The following FAS variants were observed in gnomAD, a reference collection of about 807,000 sequenced individuals.
FAS encodes the protein Fas cell surface death receptor, also known as tumor necrosis factor receptor superfamily member 6.
Under a neutral mutation model 33.2 loss-of-function variants are expected in FAS, and 5 were observed. That is an observed-to-expected ratio of 0.15 (90% CI 0.08 to 0.32). The LOEUF (loss-of-function observed/expected upper bound fraction) is 0.32. Ranked by LOEUF, FAS falls within the 10% of genes least tolerant of loss-of-function variation. The probability of loss-of-function intolerance (pLI) is 1.00; values close to 1 mark genes in which losing one functional copy is unlikely to be tolerated. For missense variants in FAS, 339 were observed against 386.0 expected, an observed-to-expected ratio of 0.88 and a Z score of 1.02; for synonymous variants, 131 against 130.7, an observed-to-expected ratio of 1.00 and a Z score of -0.01.
chr10:88,968,451 T>A (rs1404917974), intron 1 of FAS, among the ~76,000 whole-genome samples: 1 of 152,194 alleles, frequency 6.6e-6, no homozygotes, highest in Non-Finnish European at 1.5e-5. Context: ...CAACAATAAC[T>A]TTATCCCAAA....
intron 2 of FAS, among the ~76,000 whole-genome samples, chr10:88,980,419 G>T (rs763560914): frequency 6.6e-6 from 1 of 152,176 alleles, no homozygotes; most frequent in Non-Finnish European, 1.5e-5. Context: ...GGATAAATAA[G>T]AGCCAGAACT....
rs1848377099 is a variant in FAS, at chr10:89,008,798, T to C, written c.335-91T>C. ...TGTGACTGTTGATATAAGCAGTGGA[T>C]CTCAAAAATCCATGCAGCTCCTGCC... On this transcript the variant is annotated intron_variant, in intron 3 of 8. Transcript: ENST00000652046. 3.5e-6 allele frequency: 4 copies of C among 1,129,888 alleles called. No individual in the cohort carries two copies. The East Asian group carries it at 9.4e-5, about 26-fold the overall frequency. The allele number at this position is 1,129,888 out of a possible 1,614,324, so 70.0% of individuals were successfully genotyped here. A position where few individuals can be genotyped will look rare whatever the true frequency, so the allele number is the denominator to read the frequency against.
chr10:89,012,227 G>T, intron 7 of FAS, 146 bp downstream of exon 7: 1 of 687,328 alleles, frequency 1.5e-6, no homozygotes, highest in Non-Finnish European at 2.5e-6. Context: ...GCCCAGGCTG[G>T]AGTGCAGGGG....
intron 2 of FAS, among the ~76,000 whole-genome samples, chr10:88,978,694 T>G (rs1432925685): frequency 1.3e-5 from 2 of 152,136 alleles, no homozygotes; most frequent in Non-Finnish European, 2.9e-5. Context: ...TCACCCTACT[T>G]CAGGGAACTG....
Position 89,007,739 on chromosome 10 carries a change from A to G in FAS, c.236A>G (p.Glu79Gly). 1.2e-6 allele frequency: 2 copies of G among 1,614,032 alleles called. No individual in the cohort carries two copies. The highest frequency in any genetic ancestry group is 1.7e-6 in the Non-Finnish European group (2 of 1,179,948). ...AGGGACTGCACAGTCAATGGGGATG[A>G]ACCAGACTGCGTGCCCTGCCAAGAA... Reference protein sequence around the residue: ...KARDCTVNGDEPDCVPCQEGK... With the variant: ...KARDCTVNGDGPDCVPCQEGK... Residue 79 changes from glutamate to glycine, a missense_variant, in exon 3 of 9, where the codon GAA (glutamate) becomes GGA (glycine). Transcript: ENST00000652046.
chr10:88,997,820 C>T (rs1847688938), intron 1 of FAS, among the ~76,000 whole-genome samples: 1 of 152,132 alleles, frequency 6.6e-6, no homozygotes, highest in Non-Finnish European at 1.5e-5. Context: ...ATTTCTTGCT[C>T]CATTTTTGTC....
Position 89,007,750 on chromosome 10 carries a change from G to A in FAS, c.247G>A (p.Val83Met), listed in dbSNP as rs199790261. 1.9e-5 allele frequency: 31 copies of A among 1,613,996 alleles called. No homozygotes were observed. Among genetic ancestry groups the A allele is most frequent in the Admixed American group, 8.3e-5 (5 of 59,984 alleles). ...CTVNGDEPDC[V>M]PCQEGKEYTD... Reference sequence around the variant, plus strand: ...AGTCAATGGGGATGAACCAGACTGCGTGCCCTGCCAAGAAGGGAAGGAGTA... The same window carrying A: ...AGTCAATGGGGATGAACCAGACTGCATGCCCTGCCAAGAAGGGAAGGAGTA... Residue 83 changes from valine (V) to methionine (M), a missense_variant, in exon 3 of 9, where the codon GTG becomes ATG. By Grantham distance (21) the Val-to-Met change is conservative. Around this residue, in one of 3 missense-constraint regions of FAS, gnomAD observed 276 missense variants for 300.1 expected, o/e 0.92. Transcript: ENST00000652046.
chr10:89,007,538 T>C (rs1469837343), intron 2 of FAS, among the ~76,000 whole-genome samples, 162 bp from the exon 3 acceptor site: 1 of 152,208 alleles, frequency 6.6e-6, no homozygotes, highest in Admixed American at 6.5e-5. Context: ...TTGACATGAC[T>C]TTTAAAATAA....
At chr10:89,012,842 A>AT (rs1848600229) in intron 7 of FAS, 1 of 154,434 alleles carries the variant, frequency 6.5e-6, no homozygotes, top group South Asian at 2.0e-4. Flanking sequence ...GTATCAATAT[A>AT]TTTCAGATAG....
rs145385908 is a variant in FAS, at chr10:88,966,769, T to TAA, written n.95-6412_95-6411dup. On this transcript the variant is annotated intron_variant and non_coding_transcript_variant, in intron 1 of 3. Coordinates refer to the FAS transcript ENST00000688239. Reference sequence around the variant, plus strand: ...AGGGCTCCTGAGCAGGTCAAAGACGTAACCTGCTCAAATGTTTTGAAAACT... The same window carrying TAA: ...AGGGCTCCTGAGCAGGTCAAAGACGTAAAACCTGCTCAAATGTTTTGAAAACT... Among the ~76,000 whole-genome samples, 1,417 of 152,326 alleles carry TAA rather than the reference T, an allele frequency of 9.3e-3. 22 individuals carry two copies. The highest frequency in any genetic ancestry group is 0.032 in the African/African-American group (1,349 of 41,568).
chr10:89,004,260 CTTTGT>C (rs760714815), intron 2 of FAS, among the ~76,000 whole-genome samples: 143 of 151,954 alleles, frequency 9.4e-4, no homozygotes, highest in Non-Finnish European at 1.0e-3. Flanking sequence ...TTCGGTTTTG[CTTTGT>C]TTTATTTTAA....
rs777751533 is a variant in FAS, at chr10:89,007,749, C to T, written c.246C>T (p.Cys82=). ...CAGTCAATGGGGATGAACCAGACTG[C>T]GTGCCCTGCCAAGAAGGGAAGGAGT... is the stretch of plus-strand genomic sequence containing the variant. The part of the protein sequence containing the change: ...DCTVNGDEPD[C]VPCQEGKEYT... The change falls in exon 3 of 9, where the codon TGC becomes TGT. Residue 82 remains cysteine (C), a synonymous_variant. Coordinates refer to ENST00000652046, the MANE Select transcript of FAS (RefSeq NM_000043.6). 1.3e-5 allele frequency: 21 copies of T among 1,613,830 alleles called. No homozygotes were observed. The highest frequency in any genetic ancestry group is 3.3e-5 in the South Asian group (3 of 91,072).
intron 2 of FAS, among the ~76,000 whole-genome samples, chr10:88,979,387 A>G (rs1367539292): frequency 6.6e-6 from 1 of 152,194 alleles, no homozygotes; most frequent in Non-Finnish European, 1.5e-5. Flanking sequence ...GACTTCAAAG[A>G]GAGACGTTCA....
intron 1 of FAS, among the ~76,000 whole-genome samples, chr10:88,965,982 G>A (rs191671417): frequency 2.1e-3 from 316 of 152,220 alleles, no homozygotes; most frequent in Non-Finnish European, 2.9e-3. Context: ...CTGAATTTAC[G>A]GAACCATGGT....
intron 2 of FAS, among the ~76,000 whole-genome samples, chr10:88,980,203 C>T (rs1326430636): frequency 3.3e-5 from 5 of 151,758 alleles, no homozygotes; most frequent in African/African-American, 1.2e-4. Context: ...GGAACATGAG[C>T]AGGAATTAAA....
intron 8 of FAS, 138 bp downstream of exon 8, chr10:89,013,505 C>A: frequency 1.2e-6 from 1 of 822,112 alleles, no homozygotes; most frequent in Non-Finnish European, 2.0e-6. Context: ...ACCTGCTCAG[C>A]ATAAAGCATT....
At chr10:89,005,270 A>T (rs529176375) in intron 2 of FAS, among the ~76,000 whole-genome samples, 1 of 152,144 alleles carries the variant, frequency 6.6e-6, no homozygotes, top group African/African-American at 2.4e-5. Context: ...GTGATGCATT[A>T]TGGATGTGAC....
chr10:88,992,177 A>C (rs974181839), intron 1 of FAS, among the ~76,000 whole-genome samples: 1 of 152,184 alleles, frequency 6.6e-6, no homozygotes, highest in Admixed American at 6.5e-5. Context: ...TCCAGATTAC[A>C]CCAAGAGGCT....
At position 89,014,311 on chromosome 10, in the gene FAS, C is replaced by T. The variant is rs760993872; in HGVS notation, c.869C>T (p.Ala290Val). 4.3e-6 allele frequency: 7 copies of T among 1,613,768 alleles called. No homozygotes were observed. Among genetic ancestry groups the T allele is most frequent in the Middle Eastern group, 1.6e-4 (1 of 6,080 alleles). Residue 290 changes from alanine (A) to valine (V), a missense_variant, in exon 9 of 9, where the codon GCG (alanine) becomes GTG (valine). Ala to Val is a moderately conservative substitution (Grantham distance 64). Transcript: ENST00000652046. ...NWHQLHGKKE[A>V]YDTLIKDLKK... ...CATCAACTTCATGGAAAGAAAGAAG[C>T]GTATGACACATTGATTAAAGATCTC...
Sources: allele counts gnomAD v4.1 joint callset (sites outside exome capture counted in the v4.1 genomes callset), GRCh38; gene constraint gnomAD v4.1.1; regional missense constraint gnomAD v4.1.1; transcripts MANE v1.5; gene names NCBI Gene and HGNC (gene_info 2026-07-23, HGNC 2026-07-21).